RANBP2: variants seen among roughly 807,000 people sequenced by gnomAD.
The protein encoded by RANBP2 is RAN binding protein 2.
A neutral mutation model predicts 303.6 loss-of-function variants in RANBP2; 57 were observed. The observed-to-expected ratio is 0.19, with a 90% CI of 0.15 to 0.23. The LOEUF (loss-of-function observed/expected upper bound fraction) is 0.23. Among genes scored for constraint, RANBP2 ranks in the 10% least tolerant of loss-of-function variants. RANBP2 has a pLI of 1.00. For synonymous variants in RANBP2, 1,167 were observed against 1,301.5 expected (o/e 0.90, Z 2.23); for missense variants, 3,138 against 3,780.8 (o/e 0.83, Z 4.46).
At chr2:109,251,849 A>C in the RANBP2 span, among the ~76,000 whole-genome samples, 1 of 152,248 alleles carries the variant, frequency 6.6e-6, no homozygotes, top group African/African-American at 2.4e-5. Flanking sequence ...ATCCCTTTAA[A>C]GTACATAATG....
the RANBP2 span, chr2:109,347,976 G>T: frequency 6.4e-7 from 1 of 1,569,150 alleles, no homozygotes; most frequent in Non-Finnish European, 8.6e-7. Context: ...GGTGGGCCCC[G>T]CCAGCCCATG....
chr2:108,754,351 C>T (rs2556283), intron 15 of RANBP2, among the ~76,000 whole-genome samples: 2 of 150,266 alleles, frequency 1.3e-5, no homozygotes, highest in African/African-American at 5.0e-5. Context: ...TCTTCTCATC[C>T]TCATCAGCCA....
the RANBP2 span, among the ~76,000 whole-genome samples, chr2:109,034,939 A>G: frequency 2.6e-5 from 4 of 152,206 alleles, no homozygotes; most frequent in East Asian, 7.7e-4. Context: ...GTGAGGGGGC[A>G]CATTTAAAGA....
the RANBP2 span, among the ~76,000 whole-genome samples, chr2:109,693,241 G>GATCTC: frequency 2.0e-5 from 3 of 152,034 alleles, no homozygotes; most frequent in Non-Finnish European, 2.9e-5. Context: ...GCAGTGGCAC[G>GATCTC]ATCTCAGTTC....
the RANBP2 span, among the ~76,000 whole-genome samples, chr2:109,331,453 A>T: frequency 1.0e-3 from 158 of 152,048 alleles, no homozygotes; most frequent in Non-Finnish European, 2.9e-5. Flanking sequence ...TCTCCCTGCC[A>T]GGAGCACTTT....
the RANBP2 span, among the ~76,000 whole-genome samples, chr2:109,085,035 A>G: frequency 7.9e-3 from 1,205 of 152,194 alleles, 11 homozygotes; most frequent in East Asian, 0.036. Flanking sequence ...GGGGACAGAG[A>G]ATCATCTGCC....
the RANBP2 span, among the ~76,000 whole-genome samples, chr2:109,646,637 G>A: frequency 4.0e-5 from 6 of 151,116 alleles, no homozygotes; most frequent in Middle Eastern, 3.5e-3. Flanking sequence ...GATTACAGGC[G>A]ACTGCCACCA....
the RANBP2 span, among the ~76,000 whole-genome samples, chr2:108,957,318 A>G: frequency 1.3e-5 from 2 of 152,344 alleles, no homozygotes; most frequent in East Asian, 1.9e-4. Context: ...ATGGGCAGAG[A>G]TGACCCTGTT....
chr2:108,757,989 A>T (rs1384523249), intron 17 of RANBP2, among the ~76,000 whole-genome samples: 2 of 152,216 alleles, frequency 1.3e-5, no homozygotes, highest in East Asian at 3.8e-4. Flanking sequence ...TCACTGGCAA[A>T]TAGAAACTTT....
chr2:109,774,796 A>G, the RANBP2 span, among the ~76,000 whole-genome samples: 1 of 51,400 alleles, frequency 1.9e-5, no homozygotes, highest in South Asian at 8.9e-4. Context: ...CACTGCCTAT[A>G]TATTTTCTTG....
the RANBP2 span, among the ~76,000 whole-genome samples, chr2:109,527,292 G>A: frequency 4.4e-4 from 67 of 152,316 alleles, no homozygotes; most frequent in African/African-American, 1.6e-3. Context: ...GCCCATCTCT[G>A]GAAAACCAGT....
chr2:109,318,026 A>C, the RANBP2 span, among the ~76,000 whole-genome samples: 5 of 151,316 alleles, frequency 3.3e-5, no homozygotes, highest in South Asian at 4.2e-4. Flanking sequence ...TAAAAAGCAA[A>C]GGGCAGGGAG....
chr2:109,005,680 C>G, the RANBP2 span, among the ~76,000 whole-genome samples: 1 of 152,338 alleles, frequency 6.6e-6, no homozygotes, highest in African/African-American at 2.4e-5. Context: ...ACAGCTCTTA[C>G]AACCAGCGTT....
At chr2:109,404,950 C>T in the RANBP2 span, among the ~76,000 whole-genome samples, 1 of 152,024 alleles carries the variant, frequency 6.6e-6, no homozygotes, top group Non-Finnish European at 1.5e-5. Context: ...TCCAGTGGAG[C>T]CCCGTCCTGG....
chr2:109,544,648 T>C, the RANBP2 span: 2 of 925,314 alleles, frequency 2.2e-6, no homozygotes, highest in Non-Finnish European at 2.6e-6. Flanking sequence ...TGGGTTAAGA[T>C]GAAAGGAAAA....
At chr2:109,335,960 G>A in the RANBP2 span, among the ~76,000 whole-genome samples, 279 of 152,264 alleles carry the variant, frequency 1.8e-3, 2 homozygotes, top group Non-Finnish European at 2.8e-3. Flanking sequence ...GGGATATGTC[G>A]GTGAGACTGA....
the RANBP2 span, chr2:109,544,702 G>A: frequency 1.2e-6 from 1 of 854,952 alleles, no homozygotes; most frequent in African/African-American, 1.8e-5. Flanking sequence ...TCCAAAGCAT[G>A]TTGAAAAGCA....
chr2:109,103,621 T>C, the RANBP2 span, among the ~76,000 whole-genome samples: 2 of 152,264 alleles, frequency 1.3e-5, no homozygotes, highest in East Asian at 3.9e-4. Context: ...GAAGCCAAGC[T>C]TCTTGTTACA....
the RANBP2 span, among the ~76,000 whole-genome samples, chr2:109,065,235 A>G: frequency 6.6e-6 from 1 of 152,186 alleles, no homozygotes; most frequent in Non-Finnish European, 1.5e-5. Flanking sequence ...CCTGTAGCTC[A>G]TGGTCAGCTA....
Sources: gnomAD v4.1 joint callset for allele counts (sites outside exome capture counted in the v4.1 genomes callset) on GRCh38, gnomAD v4.1.1 for gene constraint, MANE v1.5 for transcripts, NCBI Gene and HGNC (gene_info 2026-07-23, HGNC 2026-07-21) for gene names.